MACROD2: variants seen among roughly 807,000 people sequenced by gnomAD.
The protein encoded by MACROD2 is mono-ADP ribosylhydrolase 2.
A neutral mutation model predicts 70.4 loss-of-function variants in MACROD2; 36 were observed. That is an observed-to-expected ratio of 0.51 (90% confidence interval 0.39 to 0.68). The LOEUF (loss-of-function observed/expected upper bound fraction) is 0.68. MACROD2 is among the 30% of genes least tolerant of loss of function. The pLI is 0.00. For missense variants in MACROD2, 496 were observed against 538.4 expected (o/e 0.92, Z 0.78); for synonymous variants, 172 against 178.8 (o/e 0.96, Z 0.30).
At chr20:15,971,469 C>CTT (rs2066229648) in intron 13 of MACROD2, among the ~76,000 whole-genome samples, 1 of 152,178 alleles carries the variant, frequency 6.6e-6, no homozygotes, top group Admixed American at 6.5e-5. Context: ...TGCGGTTGCA[C>CTT]CTCCCTTGCC....
intron 3 of MACROD2, among the ~76,000 whole-genome samples, chr20:14,220,676 C>G (rs2081664469): frequency 6.6e-6 from 1 of 152,158 alleles, no homozygotes. Flanking sequence ...GCTAGGGTAC[C>G]CAGCGAGCTC....
chr20:14,225,481 A>G (rs2081724134), intron 3 of MACROD2, among the ~76,000 whole-genome samples: 1 of 152,368 alleles, frequency 6.6e-6, no homozygotes, highest in South Asian at 2.1e-4. Context: ...AAATGTACTT[A>G]GCTTTTCAAA....
chr20:14,391,831 A>T (rs569804671), intron 3 of MACROD2, among the ~76,000 whole-genome samples: 1 of 145,542 alleles, frequency 6.9e-6, no homozygotes, highest in South Asian at 2.3e-4. Flanking sequence ...GGGGGAAAGG[A>T]GGGAGGTGGA....
intron 3 of MACROD2, among the ~76,000 whole-genome samples, chr20:14,136,347 T>C (rs978401311): frequency 1.3e-5 from 2 of 152,204 alleles, no homozygotes; most frequent in African/African-American, 4.8e-5. Context: ...TTCACGCCTG[T>C]AATCCTAGCA....
chr20:14,423,574 C>CCTA (rs2083898965), intron 3 of MACROD2, among the ~76,000 whole-genome samples: 2 of 150,948 alleles, frequency 1.3e-5, no homozygotes. Context: ...GTGGCGGGCC[C>CCTA]CTGTAGTCCC....
chr20:14,071,171 T>A (rs2053831902), intron 2 of MACROD2, among the ~76,000 whole-genome samples: 1 of 151,968 alleles, frequency 6.6e-6, no homozygotes, highest in Admixed American at 6.6e-5. Flanking sequence ...TTAATGAAAA[T>A]TCTGTTATAT....
chr20:14,776,520 G>A (rs927611960), intron 5 of MACROD2, among the ~76,000 whole-genome samples: 4 of 151,942 alleles, frequency 2.6e-5, no homozygotes, highest in Non-Finnish European at 4.4e-5. Context: ...GCCACATATG[G>A]CAGAGACATT....
chr20:14,702,160 T>A (rs923319846), intron 5 of MACROD2, among the ~76,000 whole-genome samples: 1 of 152,162 alleles, frequency 6.6e-6, no homozygotes, highest in Admixed American at 6.5e-5. Flanking sequence ...AGCTTTATTT[T>A]TTTTTACCTA....
intron 5 of MACROD2, among the ~76,000 whole-genome samples, chr20:15,008,739 G>A (rs1015255248): frequency 6.6e-6 from 1 of 152,126 alleles, no homozygotes; most frequent in Admixed American, 6.5e-5. Flanking sequence ...GGATGGTATG[G>A]CATGACTGGA....
chr20:14,892,544 A>G lies in MACROD2; in HGVS notation c.418+207585A>G, dbSNP rs920712768. Among the ~76,000 whole-genome samples the G allele has an allele frequency of 5.9e-5, 9 of 152,320 alleles. No homozygotes were observed. In the East Asian group the frequency reaches 1.7e-3, roughly 29 times the overall value. On this transcript the variant is annotated intron_variant, in intron 5 of 17. Coordinates refer to ENST00000684519, the MANE Select transcript of MACROD2 (RefSeq NM_001351661.2). ...AATTGTTTTTAATTGTGGTGAAAACATACAATGTAACATTTAGCATCTTAA... is the reference window on the plus strand; with the variant it reads ...AATTGTTTTTAATTGTGGTGAAAACGTACAATGTAACATTTAGCATCTTAA...
At chr20:15,866,314 TGAGCTCGGG>T (rs1350670359) in intron 9 of MACROD2, among the ~76,000 whole-genome samples, 3 of 152,086 alleles carry the variant, frequency 2.0e-5, no homozygotes, top group Admixed American at 2.0e-4. Context: ...GAGAATCACT[TGAGCTCGGG>T]GATTTGAGGC....
chr20:14,399,558 G>T (rs1053173552), intron 3 of MACROD2, among the ~76,000 whole-genome samples: 5 of 152,132 alleles, frequency 3.3e-5, no homozygotes, highest in Admixed American at 2.6e-4. Context: ...TCTTCATATT[G>T]CCTGTGCTTG....
intron 8 of MACROD2, among the ~76,000 whole-genome samples, chr20:15,717,929 G>A (rs2050729038): frequency 6.6e-6 from 1 of 152,088 alleles, no homozygotes; most frequent in Non-Finnish European, 1.5e-5. Flanking sequence ...CAGAAAGGCT[G>A]ACAACTAGTA....
At chr20:16,039,455 G>A (rs895472460) in intron 15 of MACROD2, among the ~76,000 whole-genome samples, 11 of 151,460 alleles carry the variant, frequency 7.3e-5, no homozygotes, top group African/African-American at 2.4e-4. Context: ...AAAGATTGTA[G>A]TAACACTTTG....
At chr20:15,747,574 A>G (rs1426241599) in intron 8 of MACROD2, among the ~76,000 whole-genome samples, 1 of 152,180 alleles carries the variant, frequency 6.6e-6, no homozygotes, top group African/African-American at 2.4e-5. Flanking sequence ...TTAATGTGTC[A>G]GTAATATTTT....
intron 10 of MACROD2, among the ~76,000 whole-genome samples, chr20:15,912,144 G>T (rs1293634442): frequency 6.6e-6 from 1 of 152,234 alleles, no homozygotes; most frequent in Admixed American, 6.5e-5. Flanking sequence ...CATTTTAAAT[G>T]GCAGCCCCAA....
chr20:15,742,620 T>C (rs2051122266), intron 8 of MACROD2, among the ~76,000 whole-genome samples: 1 of 152,244 alleles, frequency 6.6e-6, no homozygotes. Flanking sequence ...AAAAAACTGC[T>C]TTCTAAGGAA....
chr20:14,991,892 A>G (rs976518022), intron 5 of MACROD2, among the ~76,000 whole-genome samples: 19 of 152,156 alleles, frequency 1.2e-4, no homozygotes, highest in Non-Finnish European at 1.2e-4. Context: ...AAATGGTTAT[A>G]ACTGTAACCA....
chr20:14,065,014 C>T (rs2053739248), intron 2 of MACROD2, among the ~76,000 whole-genome samples: 1 of 152,126 alleles, frequency 6.6e-6, no homozygotes, highest in African/African-American at 2.4e-5. Flanking sequence ...AATCACGGAA[C>T]CAAAGACATT....
Sources: gnomAD v4.1 joint callset for allele counts (sites outside exome capture counted in the v4.1 genomes callset) on GRCh38, gnomAD v4.1.1 for gene constraint, MANE v1.5 for transcripts, NCBI Gene and HGNC (gene_info 2026-07-23, HGNC 2026-07-21) for gene names.